ATP8A2: variants seen among roughly 807,000 people sequenced by gnomAD.
ATP8A2 encodes phospholipid-transporting ATPase IB.
A neutral mutation model predicts 165.6 loss-of-function variants in ATP8A2; 100 were observed. The ratio of observed to expected loss-of-function variants is 0.60; its 90% CI spans 0.51 to 0.71. The LOEUF is 0.71. Among genes scored for constraint, ATP8A2 ranks in the 30% least tolerant of loss-of-function variants. The pLI, the probability that ATP8A2 is intolerant of heterozygous loss-of-function variation, is 0.00. For synonymous variants in ATP8A2, 543 were observed against 548.8 expected (o/e 0.99, Z 0.15); for missense variants, 1,227 against 1,479.5 (o/e 0.83, Z 2.80).
At chr13:25,528,209 G>A (rs1472132151) in intron 2 of ATP8A2, among the ~76,000 whole-genome samples, 1 of 152,192 alleles carries the variant, frequency 6.6e-6, no homozygotes, top group Non-Finnish European at 1.5e-5. Context: ...ACAAGGAGGA[G>A]ATCCATGTCA....
At chr13:25,886,555 C>T (rs1175999622) in intron 33 of ATP8A2, among the ~76,000 whole-genome samples, 1 of 152,230 alleles carries the variant, frequency 6.6e-6, no homozygotes, top group East Asian at 1.9e-4. Context: ...GCTATAATCT[C>T]GCTCACGTGG....
At chr13:25,878,600 T>G (rs1008701984) in intron 33 of ATP8A2, among the ~76,000 whole-genome samples, 2 of 151,988 alleles carry the variant, frequency 1.3e-5, no homozygotes, top group Non-Finnish European at 2.9e-5. Flanking sequence ...CTTTATGACC[T>G]GTATTTTGTG....
chr13:25,505,202 C>CGGG lies in ATP8A2; in HGVS notation c.222-24790_222-24788dup, dbSNP rs375325842. Among the ~76,000 whole-genome samples the CGGG allele has an allele frequency of 3.9e-3, 148 of 37,574 alleles. 1 individual carries two copies. Among genetic ancestry groups the CGGG allele is most frequent in the East Asian group, 0.017 (17 of 986 alleles). The allele number at this position is 37,574 out of a possible 152,430, so 24.7% of individuals were successfully genotyped here. On this transcript the variant is annotated intron_variant, in intron 2 of 36. Transcript: ENST00000381655. ...AGTAGGATTTGTTTTTTCGGCGGGG[C>CGGG]GGGGGGGGGTGGTGGTCACAACTCA...
At chr13:25,725,663 A>G (rs1343588006) in intron 25 of ATP8A2, among the ~76,000 whole-genome samples, 3 of 152,038 alleles carry the variant, frequency 2.0e-5, no homozygotes, top group Non-Finnish European at 4.4e-5. Flanking sequence ...TGTGCCTTCA[A>G]CCCGATGCTT....
At chr13:25,592,094 T>G (rs2040099027) in intron 24 of ATP8A2, among the ~76,000 whole-genome samples, 1 of 152,136 alleles carries the variant, frequency 6.6e-6, no homozygotes, top group South Asian at 2.1e-4. Context: ...GAGTTTTGAT[T>G]TGTATTTCCC....
rs140152170 is a variant in ATP8A2 at position 25,998,207 on chromosome 13, C to T, written c.3378-14324C>T. ...CAGTGAAGAGGGAAAAGGATGCCTT[C>T]ACATTTCACTGGGTTGGGGATGGAA... On this transcript the variant is annotated intron_variant, in intron 35 of 36. Transcript: ENST00000381655. 8.0e-4 allele frequency among the ~76,000 whole-genome samples: 122 copies of T among 152,288 alleles called. 2 individuals are homozygous for T. The East Asian group carries it at 0.021, about 26-fold the overall frequency.
chr13:25,964,400 C>T (rs1339333974), intron 34 of ATP8A2, among the ~76,000 whole-genome samples: 2 of 152,158 alleles, frequency 1.3e-5, no homozygotes, highest in Non-Finnish European at 2.9e-5. Flanking sequence ...CATATTATGT[C>T]TCATATTATG....
chr13:25,972,188 C>T (rs1359449373), intron 35 of ATP8A2, among the ~76,000 whole-genome samples: 1 of 152,186 alleles, frequency 6.6e-6, no homozygotes, highest in East Asian at 1.9e-4. Context: ...TCTCTCTGTG[C>T]CTTTTATTCA....
chr13:25,946,773 A>G (rs989598902), intron 33 of ATP8A2, among the ~76,000 whole-genome samples: 1 of 152,106 alleles, frequency 6.6e-6, no homozygotes, highest in Non-Finnish European at 1.5e-5. Flanking sequence ...TTTGAGACAG[A>G]GTCTTACTCT....
At chr13:25,512,546 GC>G (rs1185167159) in intron 2 of ATP8A2, among the ~76,000 whole-genome samples, 1 of 150,480 alleles carries the variant, frequency 6.6e-6, no homozygotes, top group Admixed American at 6.6e-5. Context: ...GGGGCGGCTG[GC>G]CGGGCAGAGG....
chr13:25,557,645 C>T (rs1255932422), intron 13 of ATP8A2, among the ~76,000 whole-genome samples: 1 of 152,060 alleles, frequency 6.6e-6, no homozygotes, highest in African/African-American at 2.4e-5. Flanking sequence ...CTATACAGGT[C>T]TTTGGTTGCC....
In ATP8A2 at chr13:26,000,150, C is replaced by T. The variant is rs1035616242; in HGVS notation, c.3378-12381C>T. Among the ~76,000 whole-genome samples the T allele has an allele frequency of 2.6e-5, 4 of 152,270 alleles. No homozygotes were observed. In the East Asian group the frequency reaches 5.8e-4, roughly 22 times the overall value. ...CCTGGTGGATTGGTAGATGTTTGGC[C>T]TTCCCTGAAGGACAGGGAACTGGGG... On this transcript the variant is annotated intron_variant, in intron 35 of 36. Coordinates refer to ENST00000381655, the MANE Select transcript of ATP8A2 (RefSeq NM_016529.6).
At chr13:25,709,545 A>C (rs953504463) in intron 25 of ATP8A2, among the ~76,000 whole-genome samples, 1 of 152,218 alleles carries the variant, frequency 6.6e-6, no homozygotes, top group African/African-American at 2.4e-5. Context: ...ACAGAATAAC[A>C]ATAGTAGGGA....
rs1018184977 is a variant in ATP8A2, at chr13:25,750,817, C to A, written c.2385-18229C>A. Reference sequence around the variant, plus strand: ...TTGCTTGGGGAAAAAAAAAAGGAATCTTTTTGGAATTACACGTGTAGTTCA... The same window carrying A: ...TTGCTTGGGGAAAAAAAAAAGGAATATTTTTGGAATTACACGTGTAGTTCA... On this transcript the variant is annotated intron_variant, in intron 25 of 36. Coordinates refer to ENST00000381655, the MANE Select transcript of ATP8A2 (RefSeq NM_016529.6). This position sits in a 1 kb window ranked among gnomAD's most constrained non-coding sequence, Gnocchi z 4.3. 2.6e-5 allele frequency among the ~76,000 whole-genome samples: 4 copies of A among 152,008 alleles called. No individual in the cohort carries two copies. The highest frequency in any genetic ancestry group is 1.3e-4 in the Admixed American group (2 of 15,238).
At chr13:25,554,529 ATGTGTG>A (rs71077486) in intron 12 of ATP8A2, among the ~76,000 whole-genome samples, 931 of 140,398 alleles carry the variant, frequency 6.6e-3, no homozygotes, top group South Asian at 0.014. Flanking sequence ...GTGTGTGTGT[ATGTGTG>A]TGTGTGTGTG....
At chr13:25,992,777 C>T (rs1207302259) in intron 35 of ATP8A2, among the ~76,000 whole-genome samples, 2 of 150,746 alleles carry the variant, frequency 1.3e-5, no homozygotes, top group Non-Finnish European at 1.5e-5. Flanking sequence ...CATGCTGGTG[C>T]GCTGCACCCA....
chr13:25,639,288 A>G (rs1418954299), intron 24 of ATP8A2, among the ~76,000 whole-genome samples: 3 of 152,220 alleles, frequency 2.0e-5, no homozygotes, highest in African/African-American at 4.8e-5. Flanking sequence ...GAATGCTCCA[A>G]TTAAAAGGCA....
intron 35 of ATP8A2, among the ~76,000 whole-genome samples, chr13:25,993,651 G>A (rs1196528977): frequency 6.6e-6 from 1 of 151,970 alleles, no homozygotes; most frequent in African/African-American, 2.4e-5. Flanking sequence ...AAATCAGATG[G>A]GTATGTTTAT....
chr13:25,960,024 A>G (rs1228855100), intron 33 of ATP8A2, among the ~76,000 whole-genome samples: 3 of 152,180 alleles, frequency 2.0e-5, no homozygotes, highest in Non-Finnish European at 1.5e-5. Flanking sequence ...TTTCCTGTAA[A>G]CTTCACTGCT....
Sources: gnomAD v4.1 joint callset for allele counts (sites outside exome capture counted in the v4.1 genomes callset) on GRCh38, gnomAD v4.1.1 for gene constraint, Gnocchi (gnomAD v3.1) non-coding constraint, MANE v1.5 for transcripts, NCBI Gene and HGNC (gene_info 2026-07-23, HGNC 2026-07-21) for gene names.